Variants in ZC3H12B observed in about 807,000 individuals in gnomAD.
ZC3H12B encodes the protein probable ribonuclease ZC3H12B.
ZC3H12B carries 7 observed loss-of-function variants against 43.9 expected under a neutral mutation model. That is an observed-to-expected ratio of 0.16 (90% CI 0.09 to 0.30). The LOEUF (loss-of-function observed/expected upper bound fraction) is 0.30. Among genes scored for constraint, ZC3H12B ranks in the 10% least tolerant of loss-of-function variants. ZC3H12B has a pLI of 1.00. For synonymous variants in ZC3H12B, 222 were observed against 241.7 expected (o/e 0.92, Z 0.76); for missense variants, 475 against 670.2 (o/e 0.71, Z 3.22).
chrX:65,161,263 A>G, the ZC3H12B span, among the ~76,000 whole-genome samples: 1 of 111,612 alleles, frequency 9.0e-6, no homozygotes, highest in Non-Finnish European at 1.9e-5. Flanking sequence ...AGAGTTCTGT[A>G]GATATCTATT....
At chrX:65,439,308 T>C (rs901595498) in intron 3 of ZC3H12B, among the ~76,000 whole-genome samples, 4 of 112,048 alleles carry the variant, frequency 3.6e-5, no homozygotes, top group African/African-American at 1.3e-4. Context: ...ATAAGAACTT[T>C]TGCCATACTT....
the ZC3H12B span, among the ~76,000 whole-genome samples, chrX:65,137,917 C>T: frequency 4.5e-5 from 5 of 112,350 alleles, no homozygotes; most frequent in African/African-American, 1.6e-4. Flanking sequence ...CAACCTTCAC[C>T]TCGTGGGTTC....
chrX:65,150,815 C>T, the ZC3H12B span, among the ~76,000 whole-genome samples: 9 of 111,169 alleles, frequency 8.1e-5, no homozygotes, highest in East Asian at 8.5e-4. Context: ...CTTGCTTTTA[C>T]TAATGAAACC....
At chrX:65,067,728 A>G in the ZC3H12B span, among the ~76,000 whole-genome samples, 1 of 109,902 alleles carries the variant, frequency 9.1e-6, no homozygotes, top group African/African-American at 3.3e-5. Flanking sequence ...TTTTATTTCA[A>G]TTGCATTCAT....
chrX:65,189,161 G>A, the ZC3H12B span, among the ~76,000 whole-genome samples: 1 of 105,414 alleles, frequency 9.5e-6, no homozygotes, highest in East Asian at 3.0e-4. Context: ...ATTCCATGGT[G>A]TATATGTGCC....
At chrX:65,279,903 TG>T in the ZC3H12B span, among the ~76,000 whole-genome samples, 1 of 112,035 alleles carries the variant, frequency 8.9e-6, no homozygotes, top group African/African-American at 3.2e-5. Flanking sequence ...CAATAAAAAG[TG>T]GGCCAAGGAC....
the ZC3H12B span, among the ~76,000 whole-genome samples, chrX:65,123,059 G>T: frequency 8.9e-6 from 1 of 111,933 alleles, no homozygotes; most frequent in Non-Finnish European, 1.9e-5. Context: ...TATTGGCTGT[G>T]GGTTTGTCAT....
chrX:65,061,405 G>C, the ZC3H12B span, among the ~76,000 whole-genome samples: 1 of 112,221 alleles, frequency 8.9e-6, no homozygotes, highest in Non-Finnish European at 1.9e-5. Flanking sequence ...TTATGAGTGA[G>C]AACATGCGGT....
At chrX:65,257,453 G>T in the ZC3H12B span, among the ~76,000 whole-genome samples, 80 of 110,570 alleles carry the variant, frequency 7.2e-4, no homozygotes, top group African/African-American at 2.5e-3. Flanking sequence ...GGGCCTGTGG[G>T]GGGTGGGGAC....
At chrX:65,324,164 A>T in the ZC3H12B span, among the ~76,000 whole-genome samples, 1 of 112,010 alleles carries the variant, frequency 8.9e-6, no homozygotes, top group African/African-American at 3.2e-5. Flanking sequence ...CTCTGATGAT[A>T]GTTTCTTTTG....
At chrX:65,216,714 G>A in the ZC3H12B span, among the ~76,000 whole-genome samples, 1 of 111,758 alleles carries the variant, frequency 8.9e-6, no homozygotes, top group Non-Finnish European at 1.9e-5. Context: ...CCTGAGGAAA[G>A]GAGAAGGAAG....
intron 3 of ZC3H12B, among the ~76,000 whole-genome samples, chrX:65,465,794 G>T (rs1035608428): frequency 3.7e-4 from 40 of 109,562 alleles, no homozygotes; most frequent in Admixed American, 6.9e-4. Context: ...TATTCTGCAG[G>T]TTATATTAAC....
chrX:65,038,707 G>A, the ZC3H12B span, among the ~76,000 whole-genome samples: 3 of 111,143 alleles, frequency 2.7e-5, no homozygotes, highest in East Asian at 5.7e-4. Flanking sequence ...ATGTAAAATA[G>A]GGTAAAGAAC....
upstream of ZC3H12B, chrX:65,488,638 A>C (rs1256399480): frequency 1.9e-6 from 1 of 528,505 alleles, no homozygotes; most frequent in Non-Finnish European, 2.8e-6. Context: ...ATGTGTGTTT[A>C]TTTGTAGGGA....
the ZC3H12B span, among the ~76,000 whole-genome samples, chrX:65,173,953 G>A: frequency 9.0e-6 from 1 of 111,431 alleles, no homozygotes; most frequent in Non-Finnish European, 1.9e-5. Context: ...TGATGTTGAT[G>A]TTATTGCTTT....
At chrX:65,127,182 C>A in the ZC3H12B span, among the ~76,000 whole-genome samples, 1 of 111,370 alleles carries the variant, frequency 9.0e-6, no homozygotes, top group Admixed American at 9.5e-5. Context: ...ATTCTTTTTC[C>A]CACAGGGTGC....
Position 65,408,432 on chromosome X carries a change from C to T in ZC3H12B, n.407+9728C>T, listed in dbSNP as rs779975586. ...GAACGTGCCAAACAGGTGACCATGG[C>T]AGAGTTGAATGCCATCATCGGGCAG... On this transcript the variant is annotated intron_variant and non_coding_transcript_variant, in intron 3 of 5. Transcript: ENST00000617377. 7.5e-6 allele frequency: 9 copies of T among 1,207,730 alleles called. No individual in the cohort carries two copies. In the Admixed American group the frequency reaches 1.5e-4, roughly 20 times the overall value.
At chrX:65,425,194 C>T (rs925051972) in intron 3 of ZC3H12B, among the ~76,000 whole-genome samples, 4 of 111,283 alleles carry the variant, frequency 3.6e-5, no homozygotes, top group Non-Finnish European at 7.6e-5. Flanking sequence ...CCTTTGTTAG[C>T]TCTATTCCTA....
At chrX:65,391,484 A>G (rs1237516587) in intron 2 of ZC3H12B, among the ~76,000 whole-genome samples, 4 of 111,279 alleles carry the variant, frequency 3.6e-5, no homozygotes, top group Non-Finnish European at 7.5e-5. Context: ...TATGTGAATT[A>G]TATTGTGATA....
Sources: gnomAD v4.1 joint callset for allele counts (sites outside exome capture counted in the v4.1 genomes callset) on GRCh38, gnomAD v4.1.1 for gene constraint, MANE v1.5 for transcripts, NCBI Gene and HGNC (gene_info 2026-07-23, HGNC 2026-07-21) for gene names.